Variants in EPS8 observed in about 807,000 individuals in gnomAD.
EPS8 encodes the protein EGFR pathway substrate 8, signaling adaptor, also known as epidermal growth factor receptor kinase substrate 8.
A neutral mutation model predicts 103.8 loss-of-function variants in EPS8; 42 were observed. The observed-to-expected ratio is 0.40, with a 90% CI of 0.32 to 0.52. The LOEUF is 0.52. EPS8 is among the 20% of genes least tolerant of loss of function. The pLI is 0.40. For missense variants in EPS8, 969 were observed against 1,005.1 expected (o/e 0.96, Z 0.49); for synonymous variants, 344 against 344.6 (o/e 1.00, Z 0.02).
chr12:15,665,964 G>A, intron 7 of EPS8, 72 bp from the exon 8 acceptor site: 1 of 1,451,662 alleles, frequency 6.9e-7, no homozygotes, highest in Non-Finnish European at 9.5e-7. Flanking sequence ...CTCAACTTGT[G>A]GTACTAGTTA....
At position 15,627,054 on chromosome 12, in the gene EPS8, CA is replaced by C. The variant is rs543144860; in HGVS notation, c.2045-2648del. Among the ~76,000 whole-genome samples, 11 of 152,110 alleles carry C rather than the reference CA, an allele frequency of 7.2e-5. No homozygotes were observed. In the South Asian group the frequency reaches 2.1e-3, roughly 29 times the overall value. ...CTCACTCTGTTGCCATACTGGAGTG[CA>C]GTGGCACAATCTTGGCTCACTGCAA... is the stretch of plus-strand genomic sequence containing the variant. On this transcript the variant is annotated intron_variant, in intron 18 of 20. Transcript: ENST00000281172.
Position 15,631,628 on chromosome 12 carries a change from T to C in EPS8, c.1858A>G (p.Thr620Ala). 6.2e-7 allele frequency: 1 copy of C among 1,613,086 alleles called. No individual in the cohort carries two copies. The highest frequency in any genetic ancestry group is 8.5e-7 in the Non-Finnish European group (1 of 1,179,724). Residue 620 changes from threonine (T) to alanine (A), a missense_variant, in exon 18 of 21, where the codon ACT becomes GCT. Physicochemically the swap from Thr to Ala is moderately conservative, Grantham distance 58. Coordinates refer to ENST00000281172, the MANE Select transcript of EPS8 (RefSeq NM_004447.6). ...RMEYGPRPAD[T>A]PPAPSPPPTP... ...GGAGGAGGTGATGGAGCAGGGGGAG[T>C]ATCAGCTGGTCTTGGGCCATACTCC...
chr12:15,777,568 T>C lies in EPS8; in HGVS notation c.-22+11593A>G, dbSNP rs1055388104. ...CCCCCTAGCAGCCTAAACTTAACCT[T>C]CACTGTCATAACCACTATGAATGTC... On this transcript the variant is annotated intron_variant, in intron 1 of 20. Coordinates refer to ENST00000281172, the MANE Select transcript of EPS8 (RefSeq NM_004447.6). The surrounding 1 kb of genome is among the most constrained non-coding windows in gnomAD (Gnocchi z 4.7). Among the ~76,000 whole-genome samples the C allele has an allele frequency of 5.8e-4, 88 of 152,326 alleles. No individual in the cohort carries two copies. Among genetic ancestry groups the C allele is most frequent in the African/African-American group, 1.9e-3 (81 of 41,566 alleles).
chr12:15,739,323 T>C (rs1051378017), intron 1 of EPS8, among the ~76,000 whole-genome samples: 4 of 152,122 alleles, frequency 2.6e-5, no homozygotes, highest in Admixed American at 6.5e-5. Flanking sequence ...ATGATTAATT[T>C]TGGGTGCCAA....
rs1591803091 is a variant in EPS8 at position 15,631,385 on chromosome 12, T to C, written c.2044+57A>G. The C allele has an allele frequency of 3.7e-6, 6 of 1,606,314 alleles. No individual in the cohort carries two copies. In the East Asian group the frequency reaches 1.3e-4, roughly 36 times the overall value. On this transcript the variant is annotated intron_variant, in intron 18 of 20. Coordinates refer to ENST00000281172, the MANE Select transcript of EPS8 (RefSeq NM_004447.6). ...GTAGAATCAGCAGTAAACAATATTT[T>C]ACTTAGTAGTGCTTTTAATTTGCAG...
At position 15,772,031 on chromosome 12, in the gene EPS8, A is replaced by C. The variant is rs1309466244; in HGVS notation, c.-22+17130T>G. ...CTTCATTTGTACCACCCTAATGAGC[A>C]TATGGGGAACCACTGAAGAGTTTTA... On this transcript the variant is annotated intron_variant, in intron 1 of 20. Transcript: ENST00000281172. This position sits in a 1 kb window ranked among gnomAD's most constrained non-coding sequence, Gnocchi z 5.0. Among the ~76,000 whole-genome samples, 1 of 152,118 alleles carries C rather than the reference A, an allele frequency of 6.6e-6. No individual in the cohort carries two copies. The highest frequency in any genetic ancestry group is 2.4e-5 in the African/African-American group (1 of 41,418).
At chr12:15,783,768 T>C (rs1453892651) in intron 1 of EPS8, among the ~76,000 whole-genome samples, 1 of 140,118 alleles carries the variant, frequency 7.1e-6, no homozygotes, top group Non-Finnish European at 1.6e-5. Context: ...TGTCTAGAAA[T>C]AAATCTCAGC....
rs186744744 is a variant in EPS8 at position 15,772,811 on chromosome 12, C to T, written c.-22+16350G>A. ...GAAGGCAAAAATCATTACAAACATACATTCATTCAGCAAATAGACGGGTCT... is the reference window on the plus strand; with the variant it reads ...GAAGGCAAAAATCATTACAAACATATATTCATTCAGCAAATAGACGGGTCT... On this transcript the variant is annotated intron_variant, in intron 1 of 20. Transcript: ENST00000281172. The surrounding 1 kb of genome is among the most constrained non-coding windows in gnomAD (Gnocchi z 5.0). 2.0e-5 allele frequency among the ~76,000 whole-genome samples: 3 copies of T among 152,252 alleles called. No individual in the cohort carries two copies. The East Asian group carries it at 5.8e-4, about 29-fold the overall frequency.
At chr12:15,640,573 T>C in intron 17 of EPS8, 130 bp downstream of exon 17, 2 of 692,540 alleles carry the variant, frequency 2.9e-6, no homozygotes, top group South Asian at 2.9e-5. Context: ...CCCCCACCAA[T>C]TACTCTAGAA....
At chr12:15,719,655 G>A (rs1271374093) in intron 1 of EPS8, among the ~76,000 whole-genome samples, 3 of 152,180 alleles carry the variant, frequency 2.0e-5, no homozygotes, top group African/African-American at 7.2e-5. Context: ...GTTTGCCCAG[G>A]TGGCAGAATT....
At position 15,624,420 on chromosome 12, in the gene EPS8, A is replaced by T; in HGVS notation, c.2045-13T>A. ...TGAGATTTCCTTCCTAGACACCAAC[A>T]GGGAGTAGGTTCTTTTTGAAAATCC... On this transcript the variant is annotated splice_polypyrimidine_tract_variant and intron_variant, in intron 18 of 20. Coordinates refer to ENST00000281172, the MANE Select transcript of EPS8 (RefSeq NM_004447.6). 2 of 1,538,172 alleles carry T rather than the reference A, an allele frequency of 1.3e-6. No individual in the cohort carries two copies. The highest frequency in any genetic ancestry group is 1.8e-6 in the Non-Finnish European group (2 of 1,140,082).
chr12:15,729,361 C>T (rs1946688109), intron 1 of EPS8, among the ~76,000 whole-genome samples: 1 of 152,164 alleles, frequency 6.6e-6, no homozygotes, highest in Non-Finnish European at 1.5e-5. Flanking sequence ...TCCTTTCTCT[C>T]TTTCTTCTCC....
In EPS8 at chr12:15,781,253, C is replaced by G. The variant is rs1200238205; in HGVS notation, c.-22+7908G>C. Among the ~76,000 whole-genome samples, 1 of 152,170 alleles carries G rather than the reference C, an allele frequency of 6.6e-6. No individual in the cohort carries two copies. The highest frequency in any genetic ancestry group is 1.5e-5 in the Non-Finnish European group (1 of 68,030). ...GAGCTTAAATACACAAACTTTTTCG[C>G]TATTCTTGTTTGGCACAGTAGTAAT... On this transcript the variant is annotated intron_variant, in intron 1 of 20. Coordinates refer to ENST00000281172, the MANE Select transcript of EPS8 (RefSeq NM_004447.6). The surrounding 1 kb of genome is among the most constrained non-coding windows in gnomAD (Gnocchi z 4.1).
In EPS8 at chr12:15,784,087, T is replaced by G. The variant is rs530750319; in HGVS notation, c.-22+5074A>C. On this transcript the variant is annotated intron_variant, in intron 1 of 20. Transcript: ENST00000281172. This position sits in a 1 kb window ranked among gnomAD's most constrained non-coding sequence, Gnocchi z 4.0. ...GGAAAAACACAGGATAAAATCTATG[T>G]AGCCTTGGCAATGAGTTTTCAAATA... 1.3e-5 allele frequency among the ~76,000 whole-genome samples: 2 copies of G among 152,282 alleles called. No individual in the cohort carries two copies. The highest frequency in any genetic ancestry group is 1.3e-4 in the Admixed American group (2 of 15,294).
At chr12:15,710,715 C>T (rs1591884295) in intron 1 of EPS8, among the ~76,000 whole-genome samples, 1 of 152,018 alleles carries the variant, frequency 6.6e-6, no homozygotes, top group African/African-American at 2.4e-5. Context: ...AAAACAAATA[C>T]ACAAACAAAC....
Position 15,621,154 on chromosome 12 carries a change from G to T in EPS8, c.*163C>A. On this transcript the variant is annotated 3_prime_UTR_variant, in exon 21 of 21. Transcript: ENST00000281172. ...TTTTCAGTTTTAATAAAAATAATGG[G>T]CCTAGAAGCAAATCCTGTGCTCACT... The T allele has an allele frequency of 4.3e-6, 2 of 465,192 alleles. No individual in the cohort carries two copies. Among genetic ancestry groups the T allele is most frequent in the Non-Finnish European group, 7.4e-6 (2 of 268,504 alleles). The allele number at this position is 465,192 out of a possible 1,614,324, so 28.8% of individuals were successfully genotyped here.
At chr12:15,740,540 A>G (rs1946809899) in intron 1 of EPS8, among the ~76,000 whole-genome samples, 1 of 151,606 alleles carries the variant, frequency 6.6e-6, no homozygotes, top group Non-Finnish European at 1.5e-5. Context: ...GCAAGACTCC[A>G]TCTAGAAAAA....
chr12:15,641,716 T>C lies in EPS8; in HGVS notation c.1677+6A>G. ...TAAGAGTATAAAAAAGAAAAAATTA[T>C]ATTACCTCTAAAATATCATCCTTTA... On this transcript the variant is annotated splice_donor_region_variant and intron_variant, in intron 16 of 20. Transcript: ENST00000281172. The C allele has an allele frequency of 6.9e-7, 1 of 1,443,474 alleles. No homozygotes were observed. Among genetic ancestry groups the C allele is most frequent in the Non-Finnish European group, 9.5e-7 (1 of 1,058,090 alleles). 89.4% of individuals were successfully genotyped at this position (1,443,474 alleles called of 1,614,324 possible).
rs76115467 is a variant in EPS8, at chr12:15,661,575, T to A, written c.810+451A>T. Among the ~76,000 whole-genome samples, 370 of 152,322 alleles carry A rather than the reference T, an allele frequency of 2.4e-3. 6 individuals carry two copies. In the East Asian group the frequency reaches 0.066, roughly 27 times the overall value. The stretch of plus-strand genomic sequence containing the variant: ...CACTATAAAGAAAACAAATGTAGCA[T>A]TATCTTTTATAAAAGCTTTACGATT... On this transcript the variant is annotated intron_variant, in intron 9 of 20. Coordinates refer to ENST00000281172, the MANE Select transcript of EPS8 (RefSeq NM_004447.6).
Sources: allele counts gnomAD v4.1 joint callset (sites outside exome capture counted in the v4.1 genomes callset), GRCh38; gene constraint gnomAD v4.1.1; non-coding constraint Gnocchi (gnomAD v3.1); transcripts MANE v1.5; gene names NCBI Gene and HGNC (gene_info 2026-07-23, HGNC 2026-07-21).